Variants in AIG1 observed in about 807,000 individuals in gnomAD.
AIG1 encodes the protein androgen-induced gene 1 protein.
A neutral mutation model predicts 31.4 loss-of-function variants in AIG1; 23 were observed. That is an observed-to-expected ratio of 0.73 (90% CI 0.53 to 1.04). AIG1 has a LOEUF of 1.04. Ranked by LOEUF, AIG1 falls within the 50% of genes least tolerant of loss-of-function variation. AIG1 has a pLI of 0.00. For missense variants in AIG1, 274 were observed against 295.0 expected, an observed-to-expected ratio of 0.93 and a Z score of 0.52; for synonymous variants, 100 against 110.5, an observed-to-expected ratio of 0.90 and a Z score of 0.60.
At chr6:143,269,848 G>T (rs1387838964) in intron 3 of AIG1, among the ~76,000 whole-genome samples, 1 of 152,206 alleles carries the variant, frequency 6.6e-6, no homozygotes, top group South Asian at 2.1e-4. Flanking sequence ...GTCTGAAGGG[G>T]ATATTCTGGA....
At position 143,288,508 on chromosome 6, in the gene AIG1, A is replaced by C. The variant is rs997888309; in HGVS notation, c.515+4283A>C. 1.3e-5 allele frequency among the ~76,000 whole-genome samples: 2 copies of C among 152,192 alleles called. No individual in the cohort carries two copies. Among genetic ancestry groups the C allele is most frequent in the Non-Finnish European group, 2.9e-5 (2 of 68,040 alleles). Reference sequence around the variant, plus strand: ...TTGTCAACTGCTGTGAGTGTATTTAAAGCAAAATAGAGATGTCTGTTGTCT... The same window carrying C: ...TTGTCAACTGCTGTGAGTGTATTTACAGCAAAATAGAGATGTCTGTTGTCT... On this transcript the variant is annotated intron_variant, in intron 4 of 5. Transcript: ENST00000357847. The surrounding 1 kb of genome is among the most constrained non-coding windows in gnomAD (Gnocchi z 4.4).
At position 143,325,783 on chromosome 6, in the gene AIG1, TC is replaced by T. The variant is rs1776559955; in HGVS notation, c.516-7498del. Among the ~76,000 whole-genome samples the T allele has an allele frequency of 6.6e-6, 1 of 152,224 alleles. No individual in the cohort carries two copies. Among genetic ancestry groups the T allele is most frequent in the Admixed American group, 6.5e-5 (1 of 15,288 alleles). Reference sequence around the variant, plus strand: ...TTATATGCAAGGCCCTGTAATATTTTCTCCTCTGTTCACTTCTGTTACTGTT... The same window carrying T: ...TTATATGCAAGGCCCTGTAATATTTTTCCTCTGTTCACTTCTGTTACTGTT... On this transcript the variant is annotated intron_variant, in intron 4 of 5. Transcript: ENST00000357847. This position sits in a 1 kb window ranked among gnomAD's most constrained non-coding sequence, Gnocchi z 4.3.
rs17629043 is a variant in AIG1 at position 143,159,441 on chromosome 6, G to A, written c.298-5641G>A. Among the ~76,000 whole-genome samples the A allele has an allele frequency of 2.9e-3, 437 of 152,114 alleles. 14 individuals are homozygous for A. In the East Asian group the frequency reaches 0.051, roughly 18 times the overall value. ...CAAAATGATGATAGTTAAAACCCAC[G>A]AAAAAAAGAGCATAACATCAACAAG... On this transcript the variant is annotated intron_variant, in intron 2 of 5. Coordinates refer to ENST00000357847, the MANE Select transcript of AIG1 (RefSeq NM_016108.4).
Position 143,209,186 on chromosome 6 carries a change from C to T in AIG1, c.399+44003C>T, listed in dbSNP as rs1488161876. 3.9e-5 allele frequency among the ~76,000 whole-genome samples: 6 copies of T among 152,162 alleles called. No homozygotes were observed. The East Asian group carries it at 9.6e-4, about 24-fold the overall frequency. On this transcript the variant is annotated intron_variant, in intron 3 of 5. Transcript: ENST00000357847. ...CCTTTAACAAGAAGCAAATGTATAT[C>T]GTTGTGATCCATTTACCACGTACTG...
intron 4 of AIG1, among the ~76,000 whole-genome samples, chr6:143,307,998 G>T (rs1481943269): frequency 3.3e-5 from 5 of 152,244 alleles, no homozygotes; most frequent in Admixed American, 2.6e-4. Context: ...ATGGGCATAG[G>T]ACCCTCTGAG....
chr6:143,161,984 G>A (rs183533129), intron 2 of AIG1, among the ~76,000 whole-genome samples: 12 of 152,262 alleles, frequency 7.9e-5, no homozygotes, highest in African/African-American at 2.9e-4. Context: ...GCATAAAATT[G>A]TAAGGGAAAA....
Position 143,284,775 on chromosome 6 carries a change from C to T in AIG1, c.515+550C>T, listed in dbSNP as rs1201133662. Among the ~76,000 whole-genome samples the T allele has an allele frequency of 6.6e-6, 1 of 152,134 alleles. No homozygotes were observed. The highest frequency in any genetic ancestry group is 1.5e-5 in the Non-Finnish European group (1 of 68,022). ...AAACCACAAGAAATCTTCATTTGATCTATTGTGCACAATTCAGATCCAAGT... is the reference window on the plus strand; with the variant it reads ...AAACCACAAGAAATCTTCATTTGATTTATTGTGCACAATTCAGATCCAAGT... On this transcript the variant is annotated intron_variant, in intron 4 of 5. Coordinates refer to ENST00000357847, the MANE Select transcript of AIG1 (RefSeq NM_016108.4). The surrounding 1 kb of genome is among the most constrained non-coding windows in gnomAD (Gnocchi z 4.4).
Position 143,284,325 on chromosome 6 carries a change from G to A in AIG1, c.515+100G>A, listed in dbSNP as rs557281301. 17 of 842,134 alleles carry A rather than the reference G, an allele frequency of 2.0e-5. No homozygotes were observed. The highest frequency in any genetic ancestry group is 1.2e-4 in the African/African-American group (7 of 58,982). 52.2% of individuals were successfully genotyped at this position (842,134 alleles called of 1,614,324 possible). On this transcript the variant is annotated intron_variant, in intron 4 of 5. Transcript: ENST00000357847. This position sits in a 1 kb window ranked among gnomAD's most constrained non-coding sequence, Gnocchi z 4.4. ...TGGATATAATCACTAACAGATTCAC[G>A]CTGTGTGCCGCATTTGGTCCAAGAC...
chr6:143,226,281 A>C (rs1792944869), intron 3 of AIG1, among the ~76,000 whole-genome samples: 1 of 150,770 alleles, frequency 6.6e-6, no homozygotes, highest in Non-Finnish European at 1.5e-5. Flanking sequence ...TCACTCTGTC[A>C]CCAGGCTGGA....
intron 3 of AIG1, among the ~76,000 whole-genome samples, chr6:143,265,361 C>G (rs17445900): frequency 0.038 from 5,860 of 152,292 alleles, 304 homozygotes; most frequent in Admixed American, 0.16. Context: ...TCATATTATA[C>G]TTGGCTAAAT....
intron 1 of AIG1, among the ~76,000 whole-genome samples, chr6:143,099,300 A>C (rs1318439337): frequency 6.6e-6 from 1 of 152,222 alleles, no homozygotes; most frequent in African/African-American, 2.4e-5. Flanking sequence ...ATGAGTTTCT[A>C]ACTAACAATG....
intron 3 of AIG1, among the ~76,000 whole-genome samples, chr6:143,170,775 A>G (rs1787430987): frequency 6.6e-6 from 1 of 151,820 alleles, no homozygotes; most frequent in South Asian, 2.1e-4. Flanking sequence ...CTTTAATTGT[A>G]AATTTTCTTT....
rs1294001047 is a variant in AIG1 at position 143,284,575 on chromosome 6, G to A, written c.515+350G>A. Reference sequence around the variant, plus strand: ...TTGTTGCTTTTGTTGGGGGGCAGGGGAGTTGCAGCAAACACAAATGAGAAC... The same window carrying A: ...TTGTTGCTTTTGTTGGGGGGCAGGGAAGTTGCAGCAAACACAAATGAGAAC... On this transcript the variant is annotated intron_variant, in intron 4 of 5. Transcript: ENST00000357847. This position sits in a 1 kb window ranked among gnomAD's most constrained non-coding sequence, Gnocchi z 4.4. 6.6e-6 allele frequency among the ~76,000 whole-genome samples: 1 copy of A among 152,094 alleles called. No homozygotes were observed. Among genetic ancestry groups the A allele is most frequent in the African/African-American group, 2.4e-5 (1 of 41,388 alleles).
intron 3 of AIG1, among the ~76,000 whole-genome samples, chr6:143,251,589 T>C (rs1022291929): frequency 6.6e-6 from 1 of 152,308 alleles, no homozygotes; most frequent in Admixed American, 6.5e-5. Context: ...AGAACAGCAC[T>C]GTGCTGCCTA....
At chr6:143,296,339 A>G (rs1007947815) in intron 4 of AIG1, among the ~76,000 whole-genome samples, 17 of 152,190 alleles carry the variant, frequency 1.1e-4, no homozygotes, top group Non-Finnish European at 2.5e-4. Flanking sequence ...AACATTCCAC[A>G]TAGAGGAAAT....
Position 143,334,238 on chromosome 6 carries a change from G to A in AIG1, c.679+793G>A. 2.6e-6 allele frequency: 2 copies of A among 771,402 alleles called. No homozygotes were observed. The highest frequency in any genetic ancestry group is 3.9e-6 in the Non-Finnish European group (2 of 511,446). The allele number at this position is 771,402 out of a possible 1,614,324, so 47.8% of individuals were successfully genotyped here. On this transcript the variant is annotated intron_variant, in intron 5 of 5. Coordinates refer to ENST00000357847, the MANE Select transcript of AIG1 (RefSeq NM_016108.4). This position sits in a 1 kb window ranked among gnomAD's most constrained non-coding sequence, Gnocchi z 5.1. ...AATACATCCAAAGGCAAGATGGTTTGGAGATTTTAGGAAGCCCTGGCTCTT... is the reference window on the plus strand; with the variant it reads ...AATACATCCAAAGGCAAGATGGTTTAGAGATTTTAGGAAGCCCTGGCTCTT...
intron 3 of AIG1, among the ~76,000 whole-genome samples, chr6:143,181,619 T>G (rs898893710): frequency 1.3e-5 from 2 of 152,266 alleles, no homozygotes; most frequent in Admixed American, 6.5e-5. Context: ...TGATATTTTT[T>G]ATTTGTTATT....
In AIG1 at chr6:143,088,912, A is replaced by G. The variant is rs115427834; in HGVS notation, c.141+27846A>G. Among the ~76,000 whole-genome samples the G allele has an allele frequency of 2.9e-3, 435 of 152,296 alleles. 4 individuals are homozygous for G. The highest frequency in any genetic ancestry group is 1.0e-2 in the African/African-American group (415 of 41,574). On this transcript the variant is annotated intron_variant, in intron 1 of 5. Coordinates refer to ENST00000357847, the MANE Select transcript of AIG1 (RefSeq NM_016108.4). Reference sequence around the variant, plus strand: ...AGAATATAAAATGATAATTCGTAACATAAGACTTCTTAGCAGTGCCAGGCA... The same window carrying G: ...AGAATATAAAATGATAATTCGTAACGTAAGACTTCTTAGCAGTGCCAGGCA...
intron 1 of AIG1, among the ~76,000 whole-genome samples, chr6:143,106,340 C>T: frequency 6.6e-6 from 1 of 152,180 alleles, no homozygotes. Flanking sequence ...ATCTTGATTT[C>T]AGACTTCTGG....
Sources: gnomAD v4.1 joint callset for allele counts (sites outside exome capture counted in the v4.1 genomes callset) on GRCh38, gnomAD v4.1.1 for gene constraint, Gnocchi (gnomAD v3.1) non-coding constraint, MANE v1.5 for transcripts, NCBI Gene and HGNC (gene_info 2026-07-23, HGNC 2026-07-21) for gene names.